Variants in CTNNA2 observed in about 807,000 individuals in gnomAD.
The protein encoded by CTNNA2 is catenin alpha-2.
A neutral mutation model predicts 101.0 loss-of-function variants in CTNNA2; 42 were observed. The observed-to-expected ratio is 0.42, with a 90% CI of 0.32 to 0.54. The LOEUF is 0.54. CTNNA2 is among the 20% of genes least tolerant of loss of function. The pLI, the probability that CTNNA2 is intolerant of heterozygous loss-of-function variation, is 0.14. For missense variants in CTNNA2, 871 were observed against 1,223.1 expected (o/e 0.71, Z 4.29); for synonymous variants, 450 against 456.4 (o/e 0.99, Z 0.18).
At chr2:79,795,626 G>A (rs1369295133) in intron 3 of CTNNA2, among the ~76,000 whole-genome samples, 2 of 152,078 alleles carry the variant, frequency 1.3e-5, no homozygotes, top group African/African-American at 4.8e-5. Context: ...ACTGTATCAT[G>A]TTTTATACAG....
chr2:80,306,446 TTCTTTC>T (rs1381424933), intron 7 of CTNNA2, among the ~76,000 whole-genome samples: 13 of 138,138 alleles, frequency 9.4e-5, no homozygotes, highest in East Asian at 2.3e-4. Flanking sequence ...CTTTCTTTCT[TTCTTTC>T]TCTCTCTCTC....
chr2:79,912,706 A>G (rs1196703654), intron 7 of CTNNA2, among the ~76,000 whole-genome samples: 1 of 152,226 alleles, frequency 6.6e-6, no homozygotes, highest in East Asian at 1.9e-4. Context: ...AACTATTATT[A>G]TTGTACATAT....
At chr2:80,059,203 A>G (rs1332730832) in intron 7 of CTNNA2, among the ~76,000 whole-genome samples, 2 of 152,072 alleles carry the variant, frequency 1.3e-5, no homozygotes, top group East Asian at 3.9e-4. Context: ...ACCATATTTC[A>G]TGGCATGTAG....
Position 79,874,324 on chromosome 2 carries a change from G to A in CTNNA2, c.834G>A (p.Ala278=), listed in dbSNP as rs547398098. 28 of 1,613,948 alleles carry A rather than the reference G, an allele frequency of 1.7e-5. No individual in the cohort carries two copies. Among genetic ancestry groups the A allele is most frequent in the South Asian group, 8.8e-5 (8 of 91,064 alleles). The part of the protein sequence containing the change: ...KGHTGIGELA[A]ALNEFDNKII... ...ACACGGGCATCGGCGAGCTGGCTGC[G>A]GCTCTTAATGAGTTTGACGTAAGCA... is the stretch of plus-strand genomic sequence containing the variant. Residue 278 remains alanine, a synonymous_variant, in exon 6 of 19, where the codon GCG becomes GCA. Coordinates refer to ENST00000402739, the MANE Select transcript of CTNNA2 (RefSeq NM_001282597.3).
intron 7 of CTNNA2, among the ~76,000 whole-genome samples, chr2:79,933,785 C>T (rs1332910876): frequency 6.6e-6 from 1 of 152,170 alleles, no homozygotes; most frequent in East Asian, 1.9e-4. Context: ...ATGGTCTAAC[C>T]ACCTGTATGC....
intron 7 of CTNNA2, among the ~76,000 whole-genome samples, chr2:80,296,651 A>T (rs1675771479): frequency 6.6e-6 from 1 of 152,230 alleles, no homozygotes; most frequent in South Asian, 2.1e-4. Context: ...GCTGAAGCAC[A>T]GCATGATGCT....
At chr2:80,442,524 C>T (rs2149443890) in intron 9 of CTNNA2, among the ~76,000 whole-genome samples, 1 of 152,306 alleles carries the variant, frequency 6.6e-6, no homozygotes, top group Admixed American at 6.5e-5. Flanking sequence ...GCTTTTGTTC[C>T]TTAATACACG....
rs1326005592 is a variant in CTNNA2, at chr2:80,148,561, C to A, written c.1056+238764C>A. Among the ~76,000 whole-genome samples, 2 of 152,180 alleles carry A rather than the reference C, an allele frequency of 1.3e-5. 1 individual carries two copies. Among genetic ancestry groups the A allele is most frequent in the South Asian group, 4.1e-4 (2 of 4,832 alleles). On this transcript the variant is annotated intron_variant, in intron 7 of 18. Coordinates refer to ENST00000402739, the MANE Select transcript of CTNNA2 (RefSeq NM_001282597.3). Reference sequence around the variant, plus strand: ...AGCAGCACCAGAAGCAAAGTATGGGCCTTACCACCAAGGCCACCTGTCCCA... The same window carrying A: ...AGCAGCACCAGAAGCAAAGTATGGGACTTACCACCAAGGCCACCTGTCCCA...
chr2:80,128,764 C>T (rs1051603542), intron 7 of CTNNA2, among the ~76,000 whole-genome samples: 3 of 152,086 alleles, frequency 2.0e-5, no homozygotes, highest in African/African-American at 4.8e-5. Flanking sequence ...TATATGACCC[C>T]GGAAACGATT....
At chr2:79,583,100 A>G (rs1405771107) in intron 1 of CTNNA2, among the ~76,000 whole-genome samples, 1 of 151,916 alleles carries the variant, frequency 6.6e-6, no homozygotes, top group Non-Finnish European at 1.5e-5. Flanking sequence ...ATTCTACCAC[A>G]TGGTTGTTGC....
At position 80,290,408 on chromosome 2, in the gene CTNNA2, G is replaced by A. The variant is rs993441643; in HGVS notation, c.1057-102803G>A. Among the ~76,000 whole-genome samples the A allele has an allele frequency of 3.9e-5, 6 of 152,016 alleles. No homozygotes were observed. In the Middle Eastern group the frequency reaches 0.01, roughly 259 times the overall value. On this transcript the variant is annotated intron_variant, in intron 7 of 18. Transcript: ENST00000402739. ...TCTCATTTCTTCCCCAGTGATTACCGTGGGTAAGAAAAAAAACAGCAGAAA... is the reference window on the plus strand; with the variant it reads ...TCTCATTTCTTCCCCAGTGATTACCATGGGTAAGAAAAAAAACAGCAGAAA...
intron 2 of CTNNA2, among the ~76,000 whole-genome samples, chr2:79,684,405 G>A (rs951092632): frequency 3.9e-5 from 6 of 152,096 alleles, no homozygotes; most frequent in African/African-American, 1.4e-4. Context: ...GACCTATAGT[G>A]TGAAAAACTG....
chr2:80,634,401 T>A (rs2149838093), intron 18 of CTNNA2, among the ~76,000 whole-genome samples: 1 of 152,098 alleles, frequency 6.6e-6, no homozygotes, highest in Admixed American at 6.6e-5. Flanking sequence ...GCAGAAGAAA[T>A]AGTAAGCGCT....
At chr2:79,451,926 A>G (rs1456530987) in intron 4 of CTNNA2, among the ~76,000 whole-genome samples, 3 of 152,050 alleles carry the variant, frequency 2.0e-5, no homozygotes, top group African/African-American at 7.2e-5. Flanking sequence ...AACAACATCT[A>G]GATACTCTGG....
chr2:80,603,412 C>T (rs573908100), intron 15 of CTNNA2, among the ~76,000 whole-genome samples: 219 of 152,060 alleles, frequency 1.4e-3, no homozygotes, highest in Admixed American at 0.011. Flanking sequence ...GTGCTTTGTA[C>T]GTTCTTTCAT....
chr2:80,094,160 T>C (rs2148825504), intron 7 of CTNNA2, among the ~76,000 whole-genome samples: 1 of 152,338 alleles, frequency 6.6e-6, no homozygotes, highest in African/African-American at 2.4e-5. Flanking sequence ...AAGTCTTTAA[T>C]CCATCTTGAA....
At chr2:80,119,969 T>C (rs1701738777) in intron 7 of CTNNA2, among the ~76,000 whole-genome samples, 1 of 152,196 alleles carries the variant, frequency 6.6e-6, no homozygotes, top group Admixed American at 6.5e-5. Flanking sequence ...CAATAGCCTT[T>C]GGTTTTGACT....
chr2:79,278,191 A>T (rs1675263500), intron 2 of CTNNA2, among the ~76,000 whole-genome samples: 2 of 152,136 alleles, frequency 1.3e-5, no homozygotes, highest in Admixed American at 1.3e-4. Context: ...GACATGAGCC[A>T]AGAAAAGAGA....
intron 3 of CTNNA2, among the ~76,000 whole-genome samples, chr2:79,828,240 A>C (rs1678595032): frequency 6.6e-6 from 1 of 152,208 alleles, no homozygotes. Flanking sequence ...TCTCATTTCT[A>C]TATAGAAGGC....
Sources: allele counts gnomAD v4.1 joint callset (sites outside exome capture counted in the v4.1 genomes callset), GRCh38; gene constraint gnomAD v4.1.1; transcripts MANE v1.5; gene names NCBI Gene and HGNC (gene_info 2026-07-23, HGNC 2026-07-21).